ACOT7: variants seen among roughly 807,000 people sequenced by gnomAD.
The protein encoded by ACOT7 is acyl-CoA thioesterase 7.
ACOT7 carries 12 observed loss-of-function variants against 40.2 expected under a neutral mutation model. The ratio of observed to expected loss-of-function variants is 0.30; its 90% CI spans 0.19 to 0.48. The LOEUF (loss-of-function observed/expected upper bound fraction) is 0.48. Among genes scored for constraint, ACOT7 ranks in the 20% least tolerant of loss-of-function variants. ACOT7 has a pLI of 0.99. For missense variants in ACOT7, 395 were observed against 530.8 expected (o/e 0.74, Z 2.51); for synonymous variants, 228 against 219.5 (o/e 1.04, Z -0.34).
chr1:6,331,149 C>A (rs1031160380), intron 4 of ACOT7, among the ~76,000 whole-genome samples: 2 of 152,134 alleles, frequency 1.3e-5, no homozygotes, highest in African/African-American at 4.8e-5. Context: ...GAGAACAGCC[C>A]CACAAGAACA....
intron 3 of ACOT7, among the ~76,000 whole-genome samples, chr1:6,339,188 C>A (rs1246345440): frequency 6.6e-6 from 1 of 152,206 alleles, no homozygotes; most frequent in Non-Finnish European, 1.5e-5. Context: ...AGGCCGGACC[C>A]AGACAGCAGG....
At chr1:6,364,505 C>T (rs2148468781) in intron 1 of ACOT7, among the ~76,000 whole-genome samples, 1 of 146,240 alleles carries the variant, frequency 6.8e-6, no homozygotes, top group Admixed American at 7.0e-5. Flanking sequence ...CATGCCATTG[C>T]ACTCCAGCCA....
intron 2 of ACOT7, among the ~76,000 whole-genome samples, chr1:6,345,862 G>A (rs1289952892): frequency 6.6e-6 from 1 of 152,232 alleles, no homozygotes; most frequent in Admixed American, 6.5e-5. Context: ...GTGGCCGCGG[G>A]CTCATCGTAA....
At chr1:6,297,849 G>A (rs1207442337) in intron 6 of ACOT7, among the ~76,000 whole-genome samples, 1 of 152,038 alleles carries the variant, frequency 6.6e-6, no homozygotes, top group African/African-American at 2.4e-5. Flanking sequence ...CTGGTGCTGG[G>A]AGACGAATAC....
chr1:6,358,915 G>T lies in ACOT7; in HGVS notation c.144-9049C>A. 3.1e-6 allele frequency: 5 copies of T among 1,595,232 alleles called. No individual in the cohort carries two copies. The highest frequency in any genetic ancestry group is 3.4e-6 in the Non-Finnish European group (4 of 1,171,122). ...AGCAGGGAAGCATCACAGAGTCCTTGCCTGACCCAGGACTGTCCCAGCTCC... is the reference window on the plus strand; with the variant it reads ...AGCAGGGAAGCATCACAGAGTCCTTTCCTGACCCAGGACTGTCCCAGCTCC... On this transcript the variant is annotated intron_variant, in intron 1 of 8. Coordinates refer to ENST00000361521, the MANE Select transcript of ACOT7 (RefSeq NM_007274.4). This position sits in a 1 kb window ranked among gnomAD's most constrained non-coding sequence, Gnocchi z 4.1.
intron 7 of ACOT7, among the ~76,000 whole-genome samples, chr1:6,293,131 C>T (rs538631416): frequency 3.3e-5 from 5 of 152,206 alleles, no homozygotes; most frequent in African/African-American, 9.6e-5. Context: ...CCTCATGATC[C>T]GCCCGCCTCG....
At position 6,359,564 on chromosome 1, in the gene ACOT7, C is replaced by G. The variant is rs946549305; in HGVS notation, c.144-9698G>C. Among the ~76,000 whole-genome samples the G allele has an allele frequency of 6.6e-6, 1 of 152,086 alleles. No individual in the cohort carries two copies. The stretch of plus-strand genomic sequence containing the variant: ...CCACTCCCGCGGGCTCTTAGGCTGC[C>G]GGCTGCCACCTGTGGGCCCTGTGCC... On this transcript the variant is annotated intron_variant, in intron 1 of 8. Coordinates refer to ENST00000361521, the MANE Select transcript of ACOT7 (RefSeq NM_007274.4). This position sits in a 1 kb window ranked among gnomAD's most constrained non-coding sequence, Gnocchi z 4.1.
intron 1 of ACOT7, among the ~76,000 whole-genome samples, chr1:6,368,293 C>T (rs1173955608): frequency 6.6e-6 from 1 of 152,204 alleles, no homozygotes; most frequent in Non-Finnish European, 1.5e-5. Context: ...CTTGGCCTCC[C>T]TCCCATGCCT....
chr1:6,390,337 C>T (rs938922568), intron 1 of ACOT7, among the ~76,000 whole-genome samples: 6 of 152,052 alleles, frequency 3.9e-5, no homozygotes, highest in African/African-American at 1.2e-4. Context: ...TTTGGGAGGC[C>T]GAGGCGGGCA....
At chr1:6,389,944 T>A (rs551937699) in intron 1 of ACOT7, among the ~76,000 whole-genome samples, 6 of 152,274 alleles carry the variant, frequency 3.9e-5, no homozygotes, top group African/African-American at 1.4e-4. Context: ...TCCCTCCTGG[T>A]GCTATGCTTC....
intron 1 of ACOT7, among the ~76,000 whole-genome samples, chr1:6,383,853 C>T (rs1050476671): frequency 4.0e-5 from 6 of 151,650 alleles, no homozygotes; most frequent in East Asian, 1.9e-4. Context: ...TACAGGCGCC[C>T]GCCACCACAC....
chr1:6,339,739 G>GTTTTTTT (rs57275707), intron 2 of ACOT7, 150 bp from the exon 3 acceptor site: 4 of 526,446 alleles, frequency 7.6e-6, no homozygotes, highest in Non-Finnish European at 9.1e-6. Context: ...TGGCACCGCG[G>GTTTTTTT]TTTTTTTTTT....
At chr1:6,264,749 G>A (rs991759635) in intron 8 of ACOT7, 54 bp from the exon 9 acceptor site, 25 of 1,570,792 alleles carry the variant, frequency 1.6e-5, no homozygotes, top group South Asian at 1.4e-4. Flanking sequence ...AACCAGTGCC[G>A]TGGCCTTGTG....
intron 5 of ACOT7, among the ~76,000 whole-genome samples, chr1:6,323,730 AAAAAAAAATATATATAT>A (rs1486936054): frequency 2.6e-4 from 25 of 96,626 alleles, no homozygotes; most frequent in African/African-American, 8.1e-4. Context: ...AAAAAAAAAA[AAAAAAAAATATATATAT>A]ATATATATAT....
At chr1:6,273,736 C>T (rs1284531641) in intron 8 of ACOT7, among the ~76,000 whole-genome samples, 3 of 152,278 alleles carry the variant, frequency 2.0e-5, no homozygotes, top group Admixed American at 6.5e-5. Context: ...TGTAAGAGCC[C>T]GCACACGGGC....
At chr1:6,314,434 T>C (rs1465519541) in intron 6 of ACOT7, among the ~76,000 whole-genome samples, 1 of 151,666 alleles carries the variant, frequency 6.6e-6, no homozygotes, top group Non-Finnish European at 1.5e-5. Context: ...AAAACTAAGA[T>C]GGCCAAAAGT....
chr1:6,293,412 C>G (rs903711003), intron 7 of ACOT7, among the ~76,000 whole-genome samples: 5 of 152,124 alleles, frequency 3.3e-5, no homozygotes, highest in African/African-American at 1.2e-4. Flanking sequence ...CTGTGGGGGA[C>G]GAGCTAAAAC....
chr1:6,279,517 G>A (rs1639292973), intron 8 of ACOT7, among the ~76,000 whole-genome samples: 1 of 152,218 alleles, frequency 6.6e-6, no homozygotes, highest in African/African-American at 2.4e-5. Context: ...AAGTCAAAGA[G>A]GGGCCTGGTC....
Position 6,264,549 on chromosome 1 carries a change from G to A in ACOT7, c.*48C>T. On this transcript the variant is annotated 3_prime_UTR_variant, in exon 9 of 9. Coordinates refer to ENST00000361521, the MANE Select transcript of ACOT7 (RefSeq NM_007274.4). ...GGAACTTCTAAGTGACTGGACACTG[G>A]GCCCGTTGCCATGGCTACTCGAGGC... 6.4e-7 allele frequency: 1 copy of A among 1,565,254 alleles called. No individual in the cohort carries two copies. The highest frequency in any genetic ancestry group is 8.7e-7 in the Non-Finnish European group (1 of 1,148,352).
Sources: allele counts gnomAD v4.1 joint callset (sites outside exome capture counted in the v4.1 genomes callset), GRCh38; gene constraint gnomAD v4.1.1; non-coding constraint Gnocchi (gnomAD v3.1); transcripts MANE v1.5; gene names NCBI Gene and HGNC (gene_info 2026-07-23, HGNC 2026-07-21).